The following TRERF1 variants were observed in gnomAD, a reference collection of about 807,000 sequenced individuals.
The protein encoded by TRERF1 is transcriptional regulating factor 1.
Under a neutral mutation model 122.9 loss-of-function variants are expected in TRERF1, and 27 were observed. The ratio of observed to expected loss-of-function variants is 0.22; its 90% confidence interval spans 0.16 to 0.30. The LOEUF is 0.30. Among genes scored for constraint, TRERF1 ranks in the 10% least tolerant of loss-of-function variants. The pLI is 1.00. For missense variants in TRERF1, 1,248 were observed against 1,560.3 expected (o/e 0.80, Z 3.37); for synonymous variants, 636 against 641.7 (o/e 0.99, Z 0.13).
At chr6:42,343,718 T>C (rs1767737407) in intron 3 of TRERF1, among the ~76,000 whole-genome samples, 1 of 152,234 alleles carries the variant, frequency 6.6e-6, no homozygotes, top group Non-Finnish European at 1.5e-5. Flanking sequence ...TGGTTGTATG[T>C]GTTTGTGGTG....
chr6:42,287,364 C>T (rs1357614899), intron 4 of TRERF1, among the ~76,000 whole-genome samples: 1 of 151,886 alleles, frequency 6.6e-6, no homozygotes, highest in Non-Finnish European at 1.5e-5. Context: ...GGATTAAATC[C>T]TCAGTTGGCT....
At chr6:42,287,825 C>G (rs1431844719) in intron 4 of TRERF1, among the ~76,000 whole-genome samples, 1 of 152,142 alleles carries the variant, frequency 6.6e-6, no homozygotes, top group East Asian at 1.9e-4. Context: ...ACACACCACC[C>G]TCTCCTTAAA....
At chr6:42,301,259 T>C (rs998480528) in intron 3 of TRERF1, among the ~76,000 whole-genome samples, 35 of 152,202 alleles carry the variant, frequency 2.3e-4, no homozygotes, top group Admixed American at 6.5e-5. Context: ...AGACAGAGTC[T>C]CACTCTGTTG....
intron 15 of TRERF1, among the ~76,000 whole-genome samples, chr6:42,237,513 T>A (rs1417692483): frequency 6.6e-6 from 1 of 152,218 alleles, no homozygotes; most frequent in Non-Finnish European, 1.5e-5. Context: ...TAAACAGACC[T>A]GTCGTTTTAT....
At chr6:42,241,530 C>T (rs1035429832) in intron 15 of TRERF1, among the ~76,000 whole-genome samples, 3 of 151,874 alleles carry the variant, frequency 2.0e-5, no homozygotes, top group Non-Finnish European at 4.4e-5. Context: ...GGTGCAATCT[C>T]GGCTCACCGC....
chr6:42,376,592 G>T (rs978583844), intron 2 of TRERF1, among the ~76,000 whole-genome samples: 4 of 147,106 alleles, frequency 2.7e-5, no homozygotes, highest in East Asian at 2.0e-4. Flanking sequence ...CGCCAGGCTG[G>T]AGTACAGTGG....
chr6:42,451,053 G>T (rs752243354), intron 2 of TRERF1, 124 bp downstream of exon 2: 7 of 150,054 alleles, frequency 4.7e-5, no homozygotes, highest in South Asian at 2.1e-4. Context: ...GAAAGTAAAG[G>T]GGGGGGAGAC....
chr6:42,409,197 T>C (rs1005355855), intron 2 of TRERF1, among the ~76,000 whole-genome samples: 5 of 152,072 alleles, frequency 3.3e-5, no homozygotes, highest in Non-Finnish European at 7.4e-5. Context: ...GAAGATTGCC[T>C]GCGCCCAGGA....
intron 2 of TRERF1, among the ~76,000 whole-genome samples, chr6:42,374,880 G>A (rs9471850): frequency 0.019 from 2,818 of 151,834 alleles, 60 homozygotes; most frequent in African/African-American, 0.052. Context: ...GTGTGGTGGC[G>A]TGCACCTGTG....
intron 4 of TRERF1, among the ~76,000 whole-genome samples, chr6:42,299,875 A>T (rs1785844133): frequency 6.6e-6 from 1 of 152,268 alleles, no homozygotes; most frequent in Non-Finnish European, 1.5e-5. Flanking sequence ...GTAAATAGCC[A>T]CTGAAGAACG....
intron 3 of TRERF1, among the ~76,000 whole-genome samples, chr6:42,353,747 T>C (rs1769945959): frequency 6.6e-6 from 1 of 152,176 alleles, no homozygotes; most frequent in Admixed American, 6.6e-5. Flanking sequence ...GAACAAAGCA[T>C]AAAAATGCTC....
At chr6:42,319,413 T>C (rs979012989) in intron 3 of TRERF1, among the ~76,000 whole-genome samples, 5 of 152,238 alleles carry the variant, frequency 3.3e-5, no homozygotes, top group Non-Finnish European at 7.3e-5. Context: ...AACACTTGCA[T>C]TGACTGTTAC....
intron 15 of TRERF1, among the ~76,000 whole-genome samples, chr6:42,238,146 A>C (rs1167980041): frequency 6.6e-6 from 1 of 152,220 alleles, no homozygotes; most frequent in Non-Finnish European, 1.5e-5. Context: ...AAACCATGTT[A>C]TGTCAAACTG....
intron 2 of TRERF1, among the ~76,000 whole-genome samples, chr6:42,438,601 C>G (rs763594573): frequency 1.4e-5 from 2 of 146,902 alleles, no homozygotes; most frequent in African/African-American, 4.9e-5. Flanking sequence ...CAGAGTGAGA[C>G]TCTGTCTCAA....
At chr6:42,339,692 T>C (rs909153270) in intron 3 of TRERF1, among the ~76,000 whole-genome samples, 2 of 152,176 alleles carry the variant, frequency 1.3e-5, no homozygotes, top group African/African-American at 4.8e-5. Context: ...GCCAAACCCA[T>C]GCAGACTGAC....
chr6:42,330,401 GGAGTC>G (rs1377593390), intron 3 of TRERF1, among the ~76,000 whole-genome samples: 1 of 152,100 alleles, frequency 6.6e-6, no homozygotes, highest in Non-Finnish European at 1.5e-5. Context: ...CTCTGACCCT[GGAGTC>G]AAGTCTACAG....
chr6:42,260,678 C>T (rs1478927963), intron 8 of TRERF1, among the ~76,000 whole-genome samples: 1 of 152,136 alleles, frequency 6.6e-6, no homozygotes, highest in Non-Finnish European at 1.5e-5. Context: ...CTCTCAGGCC[C>T]TGCAGGCCAG....
intron 2 of TRERF1, among the ~76,000 whole-genome samples, chr6:42,439,693 G>A (rs1321573686): frequency 1.3e-5 from 2 of 152,180 alleles, no homozygotes; most frequent in Non-Finnish European, 2.9e-5. Flanking sequence ...GTAAGAAGAT[G>A]ACCATCTAAG....
In TRERF1 at chr6:42,388,454, G is replaced by A. The variant is rs534162846; in HGVS notation, c.-453-25375C>T. ...CTGGCATCAAGTCCGCACAGTTGCCGCCAACCACAGTCAAGTTGGTACAGC... is the reference window on the plus strand; with the variant it reads ...CTGGCATCAAGTCCGCACAGTTGCCACCAACCACAGTCAAGTTGGTACAGC... On this transcript the variant is annotated intron_variant, in intron 2 of 17. Coordinates refer to ENST00000372922, the Ensembl canonical transcript of TRERF1. Among the ~76,000 whole-genome samples, 93 of 152,098 alleles carry A rather than the reference G, an allele frequency of 6.1e-4. 1 individual carries two copies. The highest frequency in any genetic ancestry group is 2.1e-3 in the African/African-American group (86 of 41,476).
Sources: gnomAD v4.1 joint callset for allele counts (sites outside exome capture counted in the v4.1 genomes callset) on GRCh38, gnomAD v4.1.1 for gene constraint, MANE v1.5 for transcripts, NCBI Gene and HGNC (gene_info 2026-07-23, HGNC 2026-07-21) for gene names.